Variants in XRN1 observed in about 807,000 individuals in gnomAD.
XRN1 encodes strand-exchange protein 1 homolog.
A neutral mutation model predicts 222.3 loss-of-function variants in XRN1; 67 were observed. The observed-to-expected ratio is 0.30, with a 90% CI of 0.25 to 0.37. XRN1 has a LOEUF of 0.37. Ranked by LOEUF, XRN1 falls within the 10% of genes least tolerant of loss-of-function variation. The pLI is 1.00. For missense variants in XRN1, 1,707 were observed against 2,000.2 expected (o/e 0.85, Z 2.80); for synonymous variants, 643 against 652.4 (o/e 0.99, Z 0.22).
Position 142,431,870 on chromosome 3 carries a change from T to TTATATTATATATATTATATATAATATA in XRN1, c.308+764_308+790dup, listed in dbSNP as rs1323266452. 7.9e-4 allele frequency among the ~76,000 whole-genome samples: 17 copies of TTATATTATATATATTATATATAATATA among 21,482 alleles called. No individual in the cohort carries two copies. The East Asian group carries it at 0.011, about 14-fold the overall frequency. 14.1% of individuals were successfully genotyped at this position (21,482 alleles called of 152,430 possible). ...AAATATATATATTATATATAATATATTATATTATATATATTATATATAATA... is the reference window on the plus strand; with the variant it reads ...AAATATATATATTATATATAATATATTATATTATATATATTATATATAATATATATATTATATATATTATATATAATA... On this transcript the variant is annotated intron_variant, in intron 2 of 40. Coordinates refer to ENST00000392981, the MANE Select transcript of XRN1 (RefSeq NM_001282857.2).
chr3:142,399,799 T>C (rs1024109271), intron 19 of XRN1, among the ~76,000 whole-genome samples: 10 of 133,380 alleles, frequency 7.5e-5, no homozygotes, highest in Admixed American at 6.3e-4. Context: ...ATGTGTAAAT[T>C]TAAAAAAAAA....
At position 142,375,905 on chromosome 3, in the gene XRN1, G is replaced by C. The variant is rs2067126786; in HGVS notation, c.2871C>G (p.Leu957=). Residue 957 remains leucine, a synonymous_variant, in exon 25 of 41, where the codon CTC becomes CTG. Coordinates refer to ENST00000392981, the MANE Select transcript of XRN1 (RefSeq NM_001282857.2). ...GDHKANVGLN[L]KFNKKNEEVP... ...CCTCCTCATTTTTCTTGTTGAATTT[G>C]AGATTTAAACCCACATTTGCTTTAT... The C allele has an allele frequency of 6.2e-7, 1 of 1,613,242 alleles. No homozygotes were observed. The highest frequency in any genetic ancestry group is 1.3e-5 in the African/African-American group (1 of 74,692).
chr3:142,311,820 G>A lies in XRN1; in HGVS notation c.4783-7C>T. ...CAACCCTTTTTTTAGTAACCTGTTA[G>A]GAATAAAAGCATCACTAATTAATAA... is the stretch of plus-strand genomic sequence containing the variant. On this transcript the variant is annotated splice_polypyrimidine_tract_variant and splice_region_variant and intron_variant, in intron 40 of 40. Coordinates refer to ENST00000392981, the MANE Select transcript of XRN1 (RefSeq NM_001282857.2). The A allele has an allele frequency of 6.4e-7, 1 of 1,563,926 alleles. No individual in the cohort carries two copies. Among genetic ancestry groups the A allele is most frequent in the Non-Finnish European group, 8.6e-7 (1 of 1,158,730 alleles).
chr3:142,326,469 G>A (rs2065519631), intron 37 of XRN1, among the ~76,000 whole-genome samples: 1 of 152,054 alleles, frequency 6.6e-6, no homozygotes, highest in Non-Finnish European at 1.5e-5. Context: ...TTTGCTGTCA[G>A]TATATAGAAA....
At chr3:142,414,105 GA>G (rs1342685421) in intron 14 of XRN1, 29 bp downstream of exon 14, 2 of 1,554,968 alleles carry the variant, frequency 1.3e-6, no homozygotes, top group Non-Finnish European at 8.7e-7. Context: ...TATCAAAAAG[GA>G]CATAAAAACA....
At chr3:142,408,435 A>C (rs1358325356) in intron 15 of XRN1, among the ~76,000 whole-genome samples, 1 of 152,232 alleles carries the variant, frequency 6.6e-6, no homozygotes, top group Non-Finnish European at 1.5e-5. Context: ...TTGCGATGCA[A>C]ATAAGCTGTG....
chr3:142,383,316 T>C lies in XRN1; in HGVS notation c.2600A>G (p.Tyr867Cys). ...SMVFMLGTPY[Y>C]GCTGEVQDSG... is the part of the protein sequence containing the mutation. ...GAAACTAACTTCTCCAGTGCAGCCA[T>C]AATAGGGAGTTCCCAGCATAAAGAC... is the stretch of plus-strand genomic sequence containing the variant. Residue 867 changes from tyrosine to cysteine, a missense_variant, in exon 22 of 41, where the codon TAT (tyrosine) becomes TGT (cysteine). Physicochemically the swap from Tyr to Cys is radical, Grantham distance 194. Around this residue, in one of 2 missense-constraint regions of XRN1, gnomAD observed 1,234 missense variants for 1,518.2 expected, o/e 0.81. Coordinates refer to ENST00000392981, the MANE Select transcript of XRN1 (RefSeq NM_001282857.2). The C allele has an allele frequency of 1.2e-6, 2 of 1,613,278 alleles. No homozygotes were observed. The highest frequency in any genetic ancestry group is 1.7e-6 in the Non-Finnish European group (2 of 1,179,554).
intron 23 of XRN1, among the ~76,000 whole-genome samples, chr3:142,377,980 CCATA>C (rs1204756367): frequency 6.6e-6 from 1 of 152,138 alleles, no homozygotes; most frequent in Non-Finnish European, 1.5e-5. Context: ...TGACTGCCTT[CCATA>C]CATAAAGTTT....
At chr3:142,422,434 C>T (rs2069074363) in intron 8 of XRN1, 148 bp downstream of exon 8, 1 of 757,114 alleles carries the variant, frequency 1.3e-6, no homozygotes. Flanking sequence ...AAATGACAAC[C>T]TCAGAGGTTA....
At chr3:142,395,564 G>A (rs6440082) in intron 20 of XRN1, among the ~76,000 whole-genome samples, 92,331 of 152,018 alleles carry the variant, frequency 0.61, 29,265 homozygotes, top group African/African-American at 0.8. Flanking sequence ...TCTCACAGCT[G>A]AACTTTTTGA....
intron 32 of XRN1, among the ~76,000 whole-genome samples, chr3:142,354,990 A>C (rs1394356559): frequency 6.6e-6 from 1 of 151,848 alleles, no homozygotes; most frequent in Non-Finnish European, 1.5e-5. Flanking sequence ...ACCAAATACT[A>C]TATGGTTCTC....
rs112797175 is a variant in XRN1 at position 142,339,539 on chromosome 3, A to G, written c.3878-4030T>C. On this transcript the variant is annotated intron_variant, in intron 33 of 40. Coordinates refer to ENST00000392981, the MANE Select transcript of XRN1 (RefSeq NM_001282857.2). ...CAGACACCAACAAACATCAACAAGCATCAAGACCATCCAGCAAAAAACATG... is the reference window on the plus strand; with the variant it reads ...CAGACACCAACAAACATCAACAAGCGTCAAGACCATCCAGCAAAAAACATG... Among the ~76,000 whole-genome samples the G allele has an allele frequency of 8.3e-3, 1,271 of 152,362 alleles. 19 individuals carry two copies. The highest frequency in any genetic ancestry group is 0.028 in the African/African-American group (1,163 of 41,598).
intron 10 of XRN1, 124 bp downstream of exon 10, chr3:142,420,892 C>T (rs2069000240): frequency 1.6e-6 from 2 of 1,228,998 alleles, no homozygotes; most frequent in African/African-American, 3.0e-5. Flanking sequence ...TCTGAAATGC[C>T]TATAGAGAGG....
In XRN1 at chr3:142,375,819, A is replaced by G. The variant is rs1197007715; in HGVS notation, c.2957T>C (p.Leu986Pro). The G allele has an allele frequency of 6.2e-7, 1 of 1,613,634 alleles. No homozygotes were observed. Among genetic ancestry groups the G allele is most frequent in the Non-Finnish European group, 8.5e-7 (1 of 1,179,854 alleles). The change falls in exon 25 of 41, where the codon CTT (leucine) becomes CCT (proline). Residue 986 changes from leucine to proline, a missense_variant. By Grantham distance (98) the Leu-to-Pro change is moderately conservative. This residue lies in a region of XRN1 where 1,234 missense variants were observed against 1,518.2 expected (regional missense o/e 0.81). Coordinates refer to ENST00000392981, the MANE Select transcript of XRN1 (RefSeq NM_001282857.2). ...TTACCTCTCTAAGTACTCTGCCAGAAGTTGTTCTGCTGCAGATGAATACAT... is the reference window on the plus strand; with the variant it reads ...TTACCTCTCTAAGTACTCTGCCAGAGGTTGTTCTGCTGCAGATGAATACAT... Reference protein sequence around the residue: ...EWMYSSAAEQLLAEYLERAPE... With the variant: ...EWMYSSAAEQPLAEYLERAPE...
intron 16 of XRN1, 22 bp from the exon 17 acceptor site, chr3:142,404,011 T>G: frequency 1.3e-6 from 2 of 1,534,806 alleles, no homozygotes; most frequent in Non-Finnish European, 1.8e-6. Context: ...ATCAAGGCAT[T>G]TAATTTAAAA....
chr3:142,412,944 G>GT (rs2108069016), intron 14 of XRN1, among the ~76,000 whole-genome samples: 1 of 151,938 alleles, frequency 6.6e-6, no homozygotes, highest in Non-Finnish European at 1.5e-5. Context: ...ATTTTTTCTT[G>GT]TTTTTTCACT....
chr3:142,373,900 T>C (rs1230227997), intron 25 of XRN1, among the ~76,000 whole-genome samples: 1 of 152,116 alleles, frequency 6.6e-6, no homozygotes, highest in African/African-American at 2.4e-5. Flanking sequence ...GAGAATCACT[T>C]GAACTGGGGA....
rs751959452 is a variant in XRN1, at chr3:142,333,043, T to C, written c.3986A>G (p.Lys1329Arg). The C allele has an allele frequency of 1.2e-6, 2 of 1,613,562 alleles. No homozygotes were observed. Among genetic ancestry groups the C allele is most frequent in the South Asian group, 1.1e-5 (1 of 91,040 alleles). ...ATGAGATGACTGTACTTCATTTTCTTTGGAGATATTCAAAGATGCTAAAAA... is the reference window on the plus strand; with the variant it reads ...ATGAGATGACTGTACTTCATTTTCTCTGGAGATATTCAAAGATGCTAAAAA... Reference protein sequence around the residue: ...ENFLASLNISKENEVQSSHHG... With the variant: ...ENFLASLNISRENEVQSSHHG... The change falls in exon 35 of 41, where the codon AAA (lysine) becomes AGA (arginine). Residue 1329 changes from lysine to arginine, a missense_variant. Transcript: ENST00000392981.
In XRN1 at chr3:142,332,532, C is replaced by A; in HGVS notation, c.4065G>T (p.Lys1355Asn). Residue 1355 changes from lysine (K) to asparagine (N), a missense_variant and splice_region_variant, in exon 36 of 41, where the codon AAG (lysine) becomes AAT (asparagine). Coordinates refer to ENST00000392981, the MANE Select transcript of XRN1 (RefSeq NM_001282857.2). ...GAATTTCTTTAAGCATCCGTGTTCC[C>A]TTCTTTTTGAAAATGATTCACATGG... ...EHLSPQSFAM[K>N]GTRMLKEILK... 6.2e-7 allele frequency: 1 copy of A among 1,604,364 alleles called. No individual in the cohort carries two copies.
Sources: allele counts gnomAD v4.1 joint callset (sites outside exome capture counted in the v4.1 genomes callset), GRCh38; gene constraint gnomAD v4.1.1; regional missense constraint gnomAD v4.1.1; transcripts MANE v1.5; gene names NCBI Gene and HGNC (gene_info 2026-07-23, HGNC 2026-07-21).